PBX3: variants seen among roughly 807,000 people sequenced by gnomAD.
PBX3 encodes the protein pre-B-cell leukemia transcription factor 3.
In PBX3, 14 loss-of-function variants were observed where a neutral mutation model predicts 48.5. That is an observed-to-expected ratio of 0.29 (90% confidence interval 0.19 to 0.45). The LOEUF is 0.45. Among genes scored for constraint, PBX3 ranks in the 20% least tolerant of loss-of-function variants. PBX3 has a pLI of 1.00. For missense variants in PBX3, 386 were observed against 546.7 expected (o/e 0.71, Z 2.93); for synonymous variants, 210 against 200.3 (o/e 1.05, Z -0.41).
intron 5 of PBX3, among the ~76,000 whole-genome samples, chr9:125,959,749 A>G (rs971118567): frequency 5.3e-5 from 8 of 152,240 alleles, no homozygotes; most frequent in Non-Finnish European, 7.3e-5. Flanking sequence ...GATTATTAAG[A>G]AATTATTGAA....
chr9:125,748,949 TA>T, intron 2 of PBX3: 1 of 243,254 alleles, frequency 4.1e-6, no homozygotes, highest in Non-Finnish European at 8.2e-6. Flanking sequence ...TGTCAGTTTT[TA>T]AAAGGAGCAA....
At chr9:125,917,102 A>G (rs1201105716) in intron 3 of PBX3, among the ~76,000 whole-genome samples, 3 of 152,212 alleles carry the variant, frequency 2.0e-5, no homozygotes, top group Non-Finnish European at 2.9e-5. Context: ...TAGACATCCT[A>G]TAATTTCACC....
At chr9:125,823,039 A>C (rs994202118) in intron 2 of PBX3, among the ~76,000 whole-genome samples, 2 of 151,298 alleles carry the variant, frequency 1.3e-5, no homozygotes, top group Non-Finnish European at 1.5e-5. Context: ...CCATTCATTA[A>C]TTCTCCTAAC....
chr9:125,902,405 T>G (rs1342735837), intron 2 of PBX3, among the ~76,000 whole-genome samples: 2 of 151,696 alleles, frequency 1.3e-5, no homozygotes, highest in Non-Finnish European at 3.0e-5. Flanking sequence ...TAATATTGGT[T>G]GTCTTCAGCA....
chr9:125,798,434 T>G (rs1240726446), intron 2 of PBX3, among the ~76,000 whole-genome samples: 1 of 152,084 alleles, frequency 6.6e-6, no homozygotes, highest in East Asian at 1.9e-4. Context: ...CCCCTTGATG[T>G]TGATTGTTAA....
chr9:125,830,878 G>C (rs1838942361), intron 2 of PBX3, among the ~76,000 whole-genome samples: 1 of 151,850 alleles, frequency 6.6e-6, no homozygotes, highest in Non-Finnish European at 1.5e-5. Flanking sequence ...TGGTGTGTAT[G>C]TCTTACTTTT....
At chr9:125,804,254 G>A (rs1172511368) in intron 2 of PBX3, among the ~76,000 whole-genome samples, 1 of 152,210 alleles carries the variant, frequency 6.6e-6, no homozygotes, top group African/African-American at 2.4e-5. Flanking sequence ...TTAGGTCTAT[G>A]CATTTCTTGG....
At chr9:125,851,321 C>A (rs1009266917) in intron 2 of PBX3, among the ~76,000 whole-genome samples, 13 of 151,962 alleles carry the variant, frequency 8.6e-5, no homozygotes, top group African/African-American at 3.1e-4. Flanking sequence ...TGTTTAAAAT[C>A]TAAATCAACA....
At chr9:125,870,027 T>C (rs1840079645) in intron 2 of PBX3, among the ~76,000 whole-genome samples, 2 of 137,764 alleles carry the variant, frequency 1.5e-5, no homozygotes, top group East Asian at 2.0e-4. Flanking sequence ...AAGGCACATC[T>C]TTTTTTTTTT....
intron 4 of PBX3, 67 bp downstream of exon 4, chr9:125,929,912 G>T: frequency 4.1e-6 from 5 of 1,225,366 alleles, no homozygotes; most frequent in Non-Finnish European, 5.9e-6. Flanking sequence ...ATTATTTTCT[G>T]TAAAACTGAC....
At chr9:125,775,777 A>G (rs1403528854) in intron 2 of PBX3, among the ~76,000 whole-genome samples, 1 of 152,206 alleles carries the variant, frequency 6.6e-6, no homozygotes, top group African/African-American at 2.4e-5. Context: ...TTTCTGCAAA[A>G]AATTGTGATA....
intron 2 of PBX3, among the ~76,000 whole-genome samples, chr9:125,889,940 G>A (rs1479610680): frequency 2.7e-5 from 4 of 150,926 alleles, no homozygotes; most frequent in Non-Finnish European, 1.5e-5. Context: ...GGTCCCCCGC[G>A]CCGGCGGCCC....
At chr9:125,948,014 G>A (rs1433556573) in intron 5 of PBX3, among the ~76,000 whole-genome samples, 1 of 152,102 alleles carries the variant, frequency 6.6e-6, no homozygotes, top group African/African-American at 2.4e-5. Flanking sequence ...AGTCAGTAAG[G>A]ACATAGAACA....
chr9:125,824,392 C>T (rs552215906), intron 2 of PBX3, among the ~76,000 whole-genome samples: 1 of 152,156 alleles, frequency 6.6e-6, no homozygotes, highest in Non-Finnish European at 1.5e-5. Flanking sequence ...GTCCACAGTT[C>T]CGTTATTCCA....
intron 5 of PBX3, among the ~76,000 whole-genome samples, chr9:125,955,135 G>T (rs1437518290): frequency 6.6e-6 from 1 of 151,952 alleles, no homozygotes; most frequent in African/African-American, 2.4e-5. Context: ...TGGATGGGAG[G>T]GCAGCCTCAC....
chr9:125,756,746 C>T (rs1466666183), intron 2 of PBX3, among the ~76,000 whole-genome samples: 1 of 152,140 alleles, frequency 6.6e-6, no homozygotes, highest in African/African-American at 2.4e-5. Flanking sequence ...TACGAATGTG[C>T]ACAGAAAGGA....
At chr9:125,768,902 A>T (rs1049657060) in intron 2 of PBX3, among the ~76,000 whole-genome samples, 1 of 152,226 alleles carries the variant, frequency 6.6e-6, no homozygotes, top group African/African-American at 2.4e-5. Flanking sequence ...TACTTGAAGT[A>T]TAGGTTTACT....
At chr9:125,844,937 C>T (rs1048158712) in intron 2 of PBX3, 2 of 152,080 alleles carry the variant, frequency 1.3e-5, no homozygotes, top group African/African-American at 2.4e-5. Context: ...CTGTGACCGT[C>T]CTGGATCACT....
At chr9:125,901,914 C>T (rs1387631920) in intron 2 of PBX3, among the ~76,000 whole-genome samples, 1 of 151,746 alleles carries the variant, frequency 6.6e-6, no homozygotes, top group African/African-American at 2.4e-5. Context: ...CCTGATCTGA[C>T]AGGACCTTGC....
Sources: allele counts gnomAD v4.1 joint callset (sites outside exome capture counted in the v4.1 genomes callset), GRCh38; gene constraint gnomAD v4.1.1; transcripts MANE v1.5; gene names NCBI Gene and HGNC (gene_info 2026-07-23, HGNC 2026-07-21).